Variants in ZNF528 observed in about 807,000 individuals in gnomAD.
The protein encoded by ZNF528 is zinc finger protein 528.
In ZNF528, 9 loss-of-function variants were observed where a neutral mutation model predicts 13.3. The observed-to-expected ratio is 0.67, with a 90% confidence interval of 0.41 to 1.18. ZNF528 has a LOEUF of 1.18. Among genes scored for constraint, ZNF528 ranks in the 50% most tolerant of loss-of-function variants. The pLI is 0.01. For synonymous variants in ZNF528, 264 were observed against 254.3 expected (o/e 1.04, Z -0.36); for missense variants, 858 against 745.4 (o/e 1.15, Z -1.76).
chr19:52,400,810 G>A (rs923844065), intron 2 of ZNF528, among the ~76,000 whole-genome samples: 10 of 152,060 alleles, frequency 6.6e-5, no homozygotes, highest in African/African-American at 2.4e-4. Context: ...AGAGGCATGA[G>A]CCCTTTACCC....
intron 4 of ZNF528, 80 bp from the exon 5 acceptor site, chr19:52,405,827 C>G (rs2058849095): frequency 1.9e-6 from 3 of 1,564,086 alleles, no homozygotes; most frequent in African/African-American, 2.7e-5. Flanking sequence ...GGAGTCAGTC[C>G]TTAACGACTG....
intron 6 of ZNF528, chr19:52,411,479 C>CT (rs2058930476): frequency 6.6e-6 from 1 of 152,114 alleles, no homozygotes; most frequent in Non-Finnish European, 1.5e-5. Context: ...GTCTTCCAGG[C>CT]TTTTTTGGAA....
chr19:52,417,669 T>TA lies in ZNF528; in HGVS notation c.*930_*931insA, dbSNP rs551082070. ...TCTCACTCTGTTGCCCAGGCTGGAG[T>TA]GTAGTGGTGTGTTCTTGGCTCACTG... is the stretch of plus-strand genomic sequence containing the variant. On this transcript the variant is annotated 3_prime_UTR_variant, in exon 7 of 7. Transcript: ENST00000360465. 68 of 151,452 alleles carry TA rather than the reference T, an allele frequency of 4.5e-4. No individual in the cohort carries two copies. Among genetic ancestry groups the TA allele is most frequent in the African/African-American group, 1.7e-3 (68 of 41,104 alleles). The allele number at this position is 151,452 out of a possible 1,614,324, so 9.4% of individuals were successfully genotyped here.
Position 52,416,279 on chromosome 19 carries a change from A to G in ZNF528, c.1427A>G (p.Tyr476Cys), listed in dbSNP as rs1264612879. 2 of 1,614,098 alleles carry G rather than the reference A, an allele frequency of 1.2e-6. No homozygotes were observed. The highest frequency in any genetic ancestry group is 1.7e-6 in the Non-Finnish European group (2 of 1,179,992). ...ECKECGKVFR[Y>C]KSSLTSHHRI... ...AAAGAATGTGGCAAAGTCTTCAGGT[A>G]CAAGTCTTCTCTAACCAGTCATCAT... Residue 476 changes from tyrosine (Y) to cysteine (C), a missense_variant, in exon 7 of 7, where the codon TAC becomes TGC. Physicochemically the swap from Tyr to Cys is radical, Grantham distance 194 (BLOSUM62 -2). Coordinates refer to ENST00000360465, the MANE Select transcript of ZNF528 (RefSeq NM_032423.3).
rs3833208 is a variant in ZNF528 at position 52,416,753 on chromosome 19, C to CTG, written c.*16_*17dup. The CTG allele has an allele frequency of 0.84, 1,320,467 of 1,575,146 alleles. 558,466 individuals are homozygous for CTG. Among genetic ancestry groups the CTG allele is most frequent in the Non-Finnish European group, 0.88 (1,014,708 of 1,156,626 alleles). On this transcript the variant is annotated 3_prime_UTR_variant, in exon 7 of 7. Coordinates refer to ENST00000360465, the MANE Select transcript of ZNF528 (RefSeq NM_032423.3). Reference sequence around the variant, plus strand: ...GTTCATTCATGAGAGTCCCTACAAACTGTATGGCAAAACCATCATCATGAG... The same window carrying CTG: ...GTTCATTCATGAGAGTCCCTACAAACTGTGTATGGCAAAACCATCATCATGAG...
In ZNF528 at chr19:52,406,607, C is replaced by A; in HGVS notation, c.235C>A (p.Pro79Thr). The change falls in exon 6 of 7, where the codon CCA becomes ACA. Residue 79 changes from proline to threonine, a missense_variant. Coordinates refer to ENST00000360465, the MANE Select transcript of ZNF528 (RefSeq NM_032423.3). ...GAGTGAAGAGAAAATAGCAAACGAT[C>A]CAGACGGCAGGGAGTGCATCAAAGG... ...LQSEEKIAND[P>T]DGRECIKGVN... is the part of the protein sequence containing the mutation. 1 of 1,614,010 alleles carries A rather than the reference C, an allele frequency of 6.2e-7. No individual in the cohort carries two copies. Among genetic ancestry groups the A allele is most frequent in the Middle Eastern group, 1.6e-4 (1 of 6,062 alleles).
chr19:52,414,713 T>C (rs985970394), intron 6 of ZNF528: 2 of 382,812 alleles, frequency 5.2e-6, no homozygotes, highest in African/African-American at 4.2e-5. Flanking sequence ...GTCACATCTC[T>C]TGGGCCTTCA....
chr19:52,401,137 C>T (rs977925883), intron 2 of ZNF528, among the ~76,000 whole-genome samples: 1 of 151,952 alleles, frequency 6.6e-6, no homozygotes, highest in Non-Finnish European at 1.5e-5. Flanking sequence ...TCCCTCTTCA[C>T]CCACCCCTCT....
chr19:52,403,700 C>A lies in ZNF528; in HGVS notation c.15+1672C>A, dbSNP rs372030200. ...AAAAAAAGTCAGTGAGAGACAACTT[C>A]TCTTATTTCAACTGATGTCTATAAG... On this transcript the variant is annotated intron_variant, in intron 4 of 6. Transcript: ENST00000360465. Among the ~76,000 whole-genome samples, 19 of 146,002 alleles carry A rather than the reference C, an allele frequency of 1.3e-4. No individual in the cohort carries two copies. In the East Asian group the frequency reaches 3.3e-3, roughly 25 times the overall value.
rs1273589904 is a variant in ZNF528 at position 52,398,602 on chromosome 19, C to T, written c.-154C>T. ...AAATGAAGAATGAGAGACCCATTAA[C>T]AGAAGGCAAAGTAGAAGGTGAGTGA... is the stretch of plus-strand genomic sequence containing the variant. On this transcript the variant is annotated 5_prime_UTR_variant, in exon 2 of 7. Transcript: ENST00000360465. 1 of 985,316 alleles carries T rather than the reference C, an allele frequency of 1.0e-6. No homozygotes were observed. The highest frequency in any genetic ancestry group is 1.2e-6 in the Non-Finnish European group (1 of 829,976). The allele number at this position is 985,316 out of a possible 1,614,324, so 61.0% of individuals were successfully genotyped here.
intron 4 of ZNF528, 124 bp from the exon 5 acceptor site, chr19:52,405,783 C>T: frequency 7.5e-7 from 1 of 1,334,046 alleles, no homozygotes; most frequent in South Asian, 1.2e-5. Flanking sequence ...TCAAGAATAC[C>T]TTAATATGGA....
chr19:52,416,248 G>A lies in ZNF528; in HGVS notation c.1396G>A (p.Glu466Lys), dbSNP rs1334034062. Residue 466 changes from glutamate to lysine, a missense_variant, in exon 7 of 7, where the codon GAA becomes AAA. Coordinates refer to ENST00000360465, the MANE Select transcript of ZNF528 (RefSeq NM_032423.3). The part of the protein sequence containing the change: ...FLIHSGEKPY[E>K]CKECGKVFRY... ...AATCCATAGTGGAGAGAAACCTTAT[G>A]AATGTAAAGAATGTGGCAAAGTCTT... 1.2e-6 allele frequency: 2 copies of A among 1,613,442 alleles called. No homozygotes were observed. Among genetic ancestry groups the A allele is most frequent in the Non-Finnish European group, 1.7e-6 (2 of 1,179,876 alleles).
intron 1 of ZNF528, 26 bp from the exon 2 acceptor site, chr19:52,398,341 C>T (rs1196197553): frequency 6.5e-6 from 1 of 153,252 alleles, no homozygotes; most frequent in Non-Finnish European, 1.5e-5. Flanking sequence ...CTTTTTGCTC[C>T]TTAATCTGGA....
At chr19:52,402,163 C>A in intron 4 of ZNF528, 135 bp downstream of exon 4, 3 of 1,245,064 alleles carry the variant, frequency 2.4e-6, no homozygotes, top group South Asian at 1.3e-5. Context: ...TTCTTCCAGT[C>A]CCTTCATTTC....
rs765483309 is a variant in ZNF528 at position 52,416,195 on chromosome 19, A to T, written c.1343A>T (p.Glu448Val). Reference protein sequence around the residue: ...KCNKCGTAFREFSDLTAHFLI... With the variant: ...KCNKCGTAFRVFSDLTAHFLI... The stretch of plus-strand genomic sequence containing the variant: ...AATAAATGTGGCACAGCGTTTAGAG[A>T]GTTTTCAGACCTTACTGCCCATTTT... The change falls in exon 7 of 7, where the codon GAG (glutamate) becomes GTG (valine). Residue 448 changes from glutamate to valine, a missense_variant. Physicochemically the swap from Glu to Val is moderately radical, Grantham distance 121 (BLOSUM62 -2). Coordinates refer to ENST00000360465, the MANE Select transcript of ZNF528 (RefSeq NM_032423.3). 6.8e-6 allele frequency: 11 copies of T among 1,613,568 alleles called. No individual in the cohort carries two copies. The highest frequency in any genetic ancestry group is 1.3e-5 in the African/African-American group (1 of 74,892).
At position 52,416,312 on chromosome 19, in the gene ZNF528, A is replaced by T. The variant is rs564342712; in HGVS notation, c.1460A>T (p.His487Leu). The T allele has an allele frequency of 6.2e-7, 1 of 1,614,180 alleles. No homozygotes were observed. Among genetic ancestry groups the T allele is most frequent in the African/African-American group, 1.3e-5 (1 of 75,068 alleles). The change falls in exon 7 of 7, where the codon CAT becomes CTT. Residue 487 changes from histidine (H) to leucine (L), a missense_variant. Transcript: ENST00000360465. The stretch of plus-strand genomic sequence containing the variant: ...TCTCTAACCAGTCATCATAGAATTC[A>T]TACTGGAGAGAAGCCTTACAAATGT... ...KSSLTSHHRI[H>L]TGEKPYKCNR...
In ZNF528 at chr19:52,415,583, A is replaced by T. The variant is rs753095795; in HGVS notation, c.731A>T (p.His244Leu). 5 of 1,614,192 alleles carry T rather than the reference A, an allele frequency of 3.1e-6. No homozygotes were observed. The highest frequency in any genetic ancestry group is 4.2e-6 in the Non-Finnish European group (5 of 1,180,018). The change falls in exon 7 of 7, where the codon CAT becomes CTT. Residue 244 changes from histidine (H) to leucine (L), a missense_variant. His to Leu is a moderately conservative substitution (Grantham distance 99). Coordinates refer to ENST00000360465, the MANE Select transcript of ZNF528 (RefSeq NM_032423.3). The part of the protein sequence containing the change: ...MHTGEKPYKC[H>L]ECGKLFSSNS... The stretch of plus-strand genomic sequence containing the variant: ...ACTGGAGAGAAGCCTTACAAATGTC[A>T]TGAATGTGGCAAGCTCTTCAGTAGC...
At position 52,415,688 on chromosome 19, in the gene ZNF528, G is replaced by T. The variant is rs202043315; in HGVS notation, c.836G>T (p.Arg279Leu). 6.2e-7 allele frequency: 1 copy of T among 1,613,950 alleles called. No homozygotes were observed. The highest frequency in any genetic ancestry group is 8.5e-7 in the Non-Finnish European group (1 of 1,179,996). Residue 279 changes from arginine to leucine, a missense_variant, in exon 7 of 7, where the codon CGA becomes CTA. Physicochemically the swap from Arg to Leu is moderately radical, Grantham distance 102. Coordinates refer to ENST00000360465, the MANE Select transcript of ZNF528 (RefSeq NM_032423.3). ...TGTCATGAATGTGACAAGGTCTTTC[G>T]AAGCAGTTCAAAGCTTGCACAACAT... ...YKCHECDKVFRSSSKLAQHQR... is the reference protein window; with the variant it reads ...YKCHECDKVFLSSSKLAQHQR...
chr19:52,416,265 C>T lies in ZNF528; in HGVS notation c.1413C>T (p.Gly471=). 1 of 1,614,010 alleles carries T rather than the reference C, an allele frequency of 6.2e-7. No homozygotes were observed. The highest frequency in any genetic ancestry group is 8.5e-7 in the Non-Finnish European group (1 of 1,179,976). ...AACCTTATGAATGTAAAGAATGTGG[C>T]AAAGTCTTCAGGTACAAGTCTTCTC... ...GEKPYECKEC[G]KVFRYKSSLT... Residue 471 remains glycine, a synonymous_variant, in exon 7 of 7, where the codon GGC becomes GGT. Transcript: ENST00000360465.
Sources: allele counts gnomAD v4.1 joint callset (sites outside exome capture counted in the v4.1 genomes callset), GRCh38; gene constraint gnomAD v4.1.1; transcripts MANE v1.5; gene names NCBI Gene and HGNC (gene_info 2026-07-23, HGNC 2026-07-21).